Variants in TERT observed in about 807,000 individuals in gnomAD.
The protein encoded by TERT is telomerase reverse transcriptase.
In TERT, 42 loss-of-function variants were observed where a neutral mutation model predicts 104.0. The ratio of observed to expected loss-of-function variants is 0.40; its 90% CI spans 0.32 to 0.52. The LOEUF is 0.52. Among genes scored for constraint, TERT ranks in the 20% least tolerant of loss-of-function variants. TERT has a pLI of 0.43. For synonymous variants in TERT, 781 were observed against 725.6 expected, an observed-to-expected ratio of 1.08 and a Z score of -1.23; for missense variants, 1,101 against 1,610.3, an observed-to-expected ratio of 0.68 and a Z score of 5.41.
chr5:1,274,470 G>C lies in TERT; in HGVS notation c.2287-2190C>G, dbSNP rs1473879646. On this transcript the variant is annotated intron_variant, in intron 6 of 15. Coordinates refer to ENST00000310581, the MANE Select transcript of TERT (RefSeq NM_198253.3). The surrounding 1 kb of genome is among the most constrained non-coding windows in gnomAD (Gnocchi z 5.3). Reference sequence around the variant, plus strand: ...GGTACCAGGGACTGGTTTCGTGGAAGACGATTTTTCCACAGGACAGCAGTG... The same window carrying C: ...GGTACCAGGGACTGGTTTCGTGGAACACGATTTTTCCACAGGACAGCAGTG... Among the ~76,000 whole-genome samples the C allele has an allele frequency of 6.6e-6, 1 of 152,262 alleles. No individual in the cohort carries two copies. Among genetic ancestry groups the C allele is most frequent in the Non-Finnish European group, 1.5e-5 (1 of 68,052 alleles).
At chr5:1,293,071 C>T (rs544686865) in intron 2 of TERT, among the ~76,000 whole-genome samples, 18 of 152,368 alleles carry the variant, frequency 1.2e-4, no homozygotes, top group Non-Finnish European at 1.6e-4. Flanking sequence ...GCTCTGGCCT[C>T]GGCGCCTGGA....
At chr5:1,282,206 A>G (rs867775925) in intron 3 of TERT, among the ~76,000 whole-genome samples, 8 of 152,308 alleles carry the variant, frequency 5.3e-5, no homozygotes, top group Middle Eastern at 3.4e-3. Flanking sequence ...CCTAGAGACC[A>G]CTTGGCACAA....
chr5:1,255,355 G>T lies in TERT; in HGVS notation c.3089C>A (p.Thr1030Lys). Residue 1030 changes from threonine (T) to lysine (K), a missense_variant, in exon 14 of 16, where the codon ACA becomes AAA. Physicochemically the swap from Thr to Lys is moderately conservative, Grantham distance 78 (BLOSUM62 -1). Around this residue, in one of 5 missense-constraint regions of TERT, gnomAD observed 463 missense variants for 797.5 expected, o/e 0.58. Coordinates refer to ENST00000310581, the MANE Select transcript of TERT (RefSeq NM_198253.3). This position sits in a 1 kb window ranked among gnomAD's most constrained non-coding sequence, Gnocchi z 6.9. ...PFHQQVWKNPTFFLRVISDTA... is the reference protein window; with the variant it reads ...PFHQQVWKNPKFFLRVISDTA... ...GTCAGAGATGACGCGCAGGAAAAAT[G>T]TGGGGTTCTTCCAAACTTGCTGATG... 1 of 1,614,228 alleles carries T rather than the reference G, an allele frequency of 6.2e-7. No individual in the cohort carries two copies. Among genetic ancestry groups the T allele is most frequent in the South Asian group, 1.1e-5 (1 of 91,088 alleles).
intron 10 of TERT, among the ~76,000 whole-genome samples, chr5:1,266,127 A>G (rs1170674256): frequency 1.3e-5 from 2 of 151,698 alleles, no homozygotes; most frequent in East Asian, 2.0e-4. Flanking sequence ...CCCTGTGCAC[A>G]GCTCCTGGGG....
In TERT at chr5:1,274,193, C is replaced by T. The variant is rs1450999085; in HGVS notation, c.2287-1913G>A. On this transcript the variant is annotated intron_variant, in intron 6 of 15. Coordinates refer to ENST00000310581, the MANE Select transcript of TERT (RefSeq NM_198253.3). This position sits in a 1 kb window ranked among gnomAD's most constrained non-coding sequence, Gnocchi z 5.3. ...CAGGAGCTGGCGGCAGGGCCGTGGG[C>T]TAAAACCACATCGAGTACGATTCAA... Among the ~76,000 whole-genome samples the T allele has an allele frequency of 6.6e-6, 1 of 152,164 alleles. No individual in the cohort carries two copies. The highest frequency in any genetic ancestry group is 1.5e-5 in the Non-Finnish European group (1 of 68,032).
intron 15 of TERT, among the ~76,000 whole-genome samples, chr5:1,254,092 G>C (rs918679534): frequency 6.6e-6 from 1 of 152,196 alleles, no homozygotes. Flanking sequence ...GCTGTGAGAG[G>C]ACACAGGTCA....
intron 2 of TERT, among the ~76,000 whole-genome samples, chr5:1,285,916 C>T (rs1051654686): frequency 3.9e-4 from 60 of 151,916 alleles, no homozygotes; most frequent in African/African-American, 1.2e-3. Context: ...TCCTGTTGGG[C>T]GACAACGGCT....
Position 1,264,592 on chromosome 5 carries a change from C to G in TERT, c.2655G>C (p.Arg885Ser), listed in dbSNP as rs754372863. The part of the protein sequence containing the change: ...PHLTHAKTFL[R>S]TLVRGVPEYG... ...ACTCAGGGACACCTCGGACCAGGGT[C>G]CTAAGGCAGAGGGGCAATGTCAGCC... Residue 885 changes from arginine to serine, a missense_variant and splice_region_variant, in exon 11 of 16, where the codon AGG (arginine) becomes AGC (serine). Arg to Ser is a moderately radical substitution (Grantham distance 110). This residue lies in a region of TERT where 463 missense variants were observed against 797.5 expected (regional missense o/e 0.58). Transcript: ENST00000310581. 8.1e-6 allele frequency: 13 copies of G among 1,613,852 alleles called. No individual in the cohort carries two copies. The highest frequency in any genetic ancestry group is 1.7e-5 in the Admixed American group (1 of 60,010).
chr5:1,291,654 A>C (rs1338465806), intron 2 of TERT, among the ~76,000 whole-genome samples: 2,018 of 65,592 alleles, frequency 0.031, no homozygotes, highest in Non-Finnish European at 0.034. Context: ...CCACACCTCA[A>C]TCACGCTGCA....
In TERT at chr5:1,285,123, G is replaced by A. The variant is rs368979416; in HGVS notation, c.1574-2499C>T. On this transcript the variant is annotated intron_variant, in intron 2 of 15. Coordinates refer to ENST00000310581, the MANE Select transcript of TERT (RefSeq NM_198253.3). ...CATCCAGCTCACAGCAGGGCCTGGC[G>A]ACCTCACCCCGGACCTGCATCATCC... 6.3e-3 allele frequency among the ~76,000 whole-genome samples: 506 copies of A among 80,076 alleles called. 72 individuals carry two copies. Among genetic ancestry groups the A allele is most frequent in the African/African-American group, 0.027 (476 of 17,642 alleles). The allele number at this position is 80,076 out of a possible 152,430, so 52.5% of individuals were successfully genotyped here. A position where few individuals can be genotyped will look rare whatever the true frequency, so the allele number is the denominator to read the frequency against.
rs1035032847 is a variant in TERT, at chr5:1,268,770, A to C, written c.2469-137T>G. The C allele has an allele frequency of 3.4e-5, 22 of 639,564 alleles. No individual in the cohort carries two copies. Among genetic ancestry groups the C allele is most frequent in the Non-Finnish European group, 5.7e-5 (20 of 349,128 alleles). 39.6% of individuals were successfully genotyped at this position (639,564 alleles called of 1,614,324 possible). ...ACCATTCAGCCGGCAAACACCTCAG[A>C]AACATACCAGATGAGACCTCTGAAC... On this transcript the variant is annotated intron_variant, in intron 8 of 15. Transcript: ENST00000310581. The surrounding 1 kb of genome is among the most constrained non-coding windows in gnomAD (Gnocchi z 5.5).
intron 6 of TERT, 119 bp from the exon 7 acceptor site, chr5:1,272,399 C>T: frequency 1.1e-6 from 1 of 937,460 alleles, no homozygotes; most frequent in South Asian, 1.4e-5. Flanking sequence ...CGGGATGAAG[C>T]CCAGAGAGCG....
At position 1,256,326 on chromosome 5, in the gene TERT, T is replaced by C. The variant is rs1747725815; in HGVS notation, c.3033-915A>G. Reference sequence around the variant, plus strand: ...ACCGCGCCAGCCCTGTCAGCCTCCATCTTTGGCCTCTCAGCTTCCTGGGAC... The same window carrying C: ...ACCGCGCCAGCCCTGTCAGCCTCCACCTTTGGCCTCTCAGCTTCCTGGGAC... On this transcript the variant is annotated intron_variant, in intron 13 of 15. Transcript: ENST00000310581. This position sits in a 1 kb window ranked among gnomAD's most constrained non-coding sequence, Gnocchi z 7.0. Among the ~76,000 whole-genome samples the C allele has an allele frequency of 6.6e-6, 1 of 152,166 alleles. No homozygotes were observed. The highest frequency in any genetic ancestry group is 2.1e-4 in the South Asian group (1 of 4,808).
intron 5 of TERT, 72 bp from the exon 6 acceptor site, chr5:1,278,868 C>T: frequency 6.3e-7 from 1 of 1,598,904 alleles, no homozygotes; most frequent in Non-Finnish European, 8.5e-7. Context: ...CCCTCAGGGC[C>T]TGGCCTGGCG....
At chr5:1,259,525 G>C (rs1748037854) in intron 12 of TERT, among the ~76,000 whole-genome samples, 1 of 116,460 alleles carries the variant, frequency 8.6e-6, no homozygotes, top group Non-Finnish European at 1.7e-5. Flanking sequence ...ACGCCCACAG[G>C]AGAGAGGGAG....
rs1010573788 is a variant in TERT at position 1,262,142 on chromosome 5, G to C, written c.2844-1542C>G. Among the ~76,000 whole-genome samples, 2 of 152,026 alleles carry C rather than the reference G, an allele frequency of 1.3e-5. No individual in the cohort carries two copies. Among genetic ancestry groups the C allele is most frequent in the Admixed American group, 6.6e-5 (1 of 15,266 alleles). On this transcript the variant is annotated intron_variant, in intron 11 of 15. Transcript: ENST00000310581. The surrounding 1 kb of genome is among the most constrained non-coding windows in gnomAD (Gnocchi z 5.6). ...CACCTCCCTTCCCTTTGAGTCTTTT[G>C]TTTTATTTCTGTTGCTGGTGTTGTT...
At chr5:1,289,251 T>C (rs373370767) in intron 2 of TERT, among the ~76,000 whole-genome samples, 879 of 49,186 alleles carry the variant, frequency 0.018, no homozygotes, top group Middle Eastern at 0.067. Flanking sequence ...CACCCGGGGA[T>C]GGCGCCTCAC....
Position 1,272,186 on chromosome 5 carries a change from T to A in TERT, c.2381A>T (p.Gln794Leu). Residue 794 changes from glutamine (Q) to leucine (L), a missense_variant and splice_region_variant, in exon 7 of 16, where the codon CAG (glutamine) becomes CTG (leucine). Transcript: ENST00000310581. ...SPLRDAVVIE[Q>L]SSSLNEASSG... ...AACCCTGCAGGGCAGTGCCCAGACC[T>A]GCTCGATGACGACGGCATCCCTCAG... The A allele has an allele frequency of 6.2e-7, 1 of 1,609,914 alleles. No homozygotes were observed. The highest frequency in any genetic ancestry group is 8.5e-7 in the Non-Finnish European group (1 of 1,178,624).
chr5:1,260,728 G>A, intron 11 of TERT, 128 bp from the exon 12 acceptor site: 4 of 1,345,722 alleles, frequency 3.0e-6, no homozygotes, highest in Non-Finnish European at 4.1e-6. Flanking sequence ...ATGCGCTGCA[G>A]CCCGAGGGGG....
Sources: allele counts gnomAD v4.1 joint callset (sites outside exome capture counted in the v4.1 genomes callset), GRCh38; gene constraint gnomAD v4.1.1; regional missense constraint gnomAD v4.1.1; non-coding constraint Gnocchi (gnomAD v3.1); transcripts MANE v1.5; gene names NCBI Gene and HGNC (gene_info 2026-07-23, HGNC 2026-07-21).